The following MASTL variants were observed in gnomAD, a reference collection of about 807,000 sequenced individuals.
MASTL encodes the protein serine/threonine-protein kinase greatwall.
Under a neutral mutation model 82.5 loss-of-function variants are expected in MASTL, and 54 were observed. The observed-to-expected ratio is 0.65, with a 90% CI of 0.53 to 0.82. MASTL has a LOEUF of 0.82. MASTL is among the 40% of genes least tolerant of loss of function. The pLI is 0.00. For missense variants in MASTL, 950 were observed against 1,047.8 expected (o/e 0.91, Z 1.29); for synonymous variants, 323 against 368.9 (o/e 0.88, Z 1.43).
At chr10:27,171,989 C>T (rs2057962047) in intron 8 of MASTL, among the ~76,000 whole-genome samples, 1 of 151,780 alleles carries the variant, frequency 6.6e-6, no homozygotes, top group Non-Finnish European at 1.5e-5. Flanking sequence ...CCACCATGCC[C>T]AGCTAATTTT....
In MASTL at chr10:27,159,617, A is replaced by T; in HGVS notation, c.325-2A>T. On this transcript the variant is annotated splice_acceptor_variant, in intron 2 of 11. Coordinates refer to ENST00000375940, the MANE Select transcript of MASTL (RefSeq NM_001172303.3). LOFTEE classifies it high-confidence loss of function. This position sits in a 1 kb window ranked among gnomAD's most constrained non-coding sequence, Gnocchi z 4.0. ...TCACAATATTAAATTCTTTTTTGAA[A>T]GGTAATGGAATATCTTATTGGGGGA... 1 of 1,506,150 alleles carries T rather than the reference A, an allele frequency of 6.6e-7. No homozygotes were observed. The highest frequency in any genetic ancestry group is 9.2e-7 in the Non-Finnish European group (1 of 1,083,912). 93.3% of individuals were successfully genotyped at this position (1,506,150 alleles called of 1,614,324 possible). A position where few individuals can be genotyped will look rare whatever the true frequency, so the allele number is the denominator to read the frequency against.
At chr10:27,172,635 CAA>C (rs1455084411) in intron 8 of MASTL, among the ~76,000 whole-genome samples, 2 of 151,622 alleles carry the variant, frequency 1.3e-5, no homozygotes, top group Admixed American at 6.6e-5. Context: ...GCCTGGGCAA[CAA>C]GAGCGAAACT....
At chr10:27,167,585 C>T (rs2057781301) in intron 7 of MASTL, among the ~76,000 whole-genome samples, 1 of 152,202 alleles carries the variant, frequency 6.6e-6, no homozygotes, top group African/African-American at 2.4e-5. Context: ...TCCCATGATA[C>T]AGACATTGGC....
At chr10:27,175,567 C>A (rs905330598) in intron 9 of MASTL, among the ~76,000 whole-genome samples, 4 of 152,126 alleles carry the variant, frequency 2.6e-5, no homozygotes, top group Admixed American at 2.6e-4. Flanking sequence ...TCTGTTGCTG[C>A]TCTTCAGTTC....
At position 27,165,505 on chromosome 10, in the gene MASTL, C is replaced by A; in HGVS notation, c.777C>A (p.Asp259Glu). ...GCCCTATGTCTGTAGATCAAAAGGACACTACGCCTTATTCTAGCAAATTAC... is the reference window on the plus strand; with the variant it reads ...GCCCTATGTCTGTAGATCAAAAGGAAACTACGCCTTATTCTAGCAAATTAC... ...LVCPMSVDQK[D>E]TTPYSSKLLK... The change falls in exon 6 of 12, where the codon GAC becomes GAA. Residue 259 changes from aspartate (D) to glutamate (E), a missense_variant. Asp to Glu is a conservative substitution (Grantham distance 45). Transcript: ENST00000375940. 6.2e-7 allele frequency: 1 copy of A among 1,614,110 alleles called. No individual in the cohort carries two copies. The highest frequency in any genetic ancestry group is 1.1e-5 in the South Asian group (1 of 91,084).
At chr10:27,178,518 G>T (rs2058174301) in intron 9 of MASTL, among the ~76,000 whole-genome samples, 1 of 151,872 alleles carries the variant, frequency 6.6e-6, no homozygotes, top group Non-Finnish European at 1.5e-5. Context: ...CTAAAGAAAT[G>T]AGTTTTGAAT....
At chr10:27,178,600 T>C (rs1425141738) in intron 9 of MASTL, among the ~76,000 whole-genome samples, 1 of 152,048 alleles carries the variant, frequency 6.6e-6, no homozygotes, top group African/African-American at 2.4e-5. Context: ...AAAGTTTTAT[T>C]CCATTATGTG....
At position 27,170,422 on chromosome 10, in the gene MASTL, T is replaced by C. The variant is rs2057891474; in HGVS notation, c.1463T>C (p.Val488Ala). 1.2e-6 allele frequency: 2 copies of C among 1,613,972 alleles called. No individual in the cohort carries two copies. The highest frequency in any genetic ancestry group is 2.7e-5 in the African/African-American group (2 of 74,928). Reference protein sequence around the residue: ...TNQNTGLTVEVQDLKLSVHKS... With the variant: ...TNQNTGLTVEAQDLKLSVHKS... Reference sequence around the variant, plus strand: ...CAAAATACAGGCTTAACAGTTGAAGTGCAGGACCTTAAGCTATCAGTGCAC... The same window carrying C: ...CAAAATACAGGCTTAACAGTTGAAGCGCAGGACCTTAAGCTATCAGTGCAC... The change falls in exon 8 of 12, where the codon GTG becomes GCG. Residue 488 changes from valine to alanine, a missense_variant. Transcript: ENST00000375940.
rs1564487406 is a variant in MASTL, at chr10:27,165,045, CT to C, written c.554-15del. 1 of 1,421,568 alleles carries C rather than the reference CT, an allele frequency of 7.0e-7. No individual in the cohort carries two copies. Among genetic ancestry groups the C allele is most frequent in the Non-Finnish European group, 1.0e-6 (1 of 1,004,872 alleles). 88.1% of individuals were successfully genotyped at this position (1,421,568 alleles called of 1,614,324 possible). On this transcript the variant is annotated intron_variant, in intron 4 of 11. Transcript: ENST00000375940. Reference sequence around the variant, plus strand: ...TAAAGGTTTTAAATACATTTATATACTTTTCTTTGCATACATAGATATTAAT... The same window carrying C: ...TAAAGGTTTTAAATACATTTATATACTTTCTTTGCATACATAGATATTAAT...
At chr10:27,184,217 A>C (rs548645892) in intron 11 of MASTL, among the ~76,000 whole-genome samples, 3 of 152,206 alleles carry the variant, frequency 2.0e-5, no homozygotes, top group Admixed American at 6.5e-5. Flanking sequence ...AGGAAGAAAA[A>C]TAAAGCAGGG....
chr10:27,160,159 C>CTTT (rs58196933), intron 3 of MASTL, among the ~76,000 whole-genome samples: 13 of 40,604 alleles, frequency 3.2e-4, no homozygotes, highest in African/African-American at 8.3e-4. Context: ...TTACTCTTGG[C>CTTT]TTTTTTTTTT....
intron 4 of MASTL, among the ~76,000 whole-genome samples, chr10:27,161,840 AATAACT>A (rs1445067101): frequency 6.6e-6 from 1 of 152,202 alleles, no homozygotes; most frequent in Non-Finnish European, 1.5e-5. Context: ...AAATGACCAG[AATAACT>A]ATAACATGAT....
At position 27,161,101 on chromosome 10, in the gene MASTL, A is replaced by G. The variant is rs1328548584; in HGVS notation, c.472A>G (p.Lys158Glu). Residue 158 changes from lysine (K) to glutamate (E), a missense_variant, in exon 4 of 12, where the codon AAA (lysine) becomes GAA (glutamate). By Grantham distance (56) the Lys-to-Glu change is moderately conservative. Transcript: ENST00000375940. ...HRHGIIHRDL[K>E]PDNMLISNEG... Reference sequence around the variant, plus strand: ...TGCCTTTTGTGTGTGCAGGGACTTGAAACCGGACAATATGCTTATTTCTAA... The same window carrying G: ...TGCCTTTTGTGTGTGCAGGGACTTGGAACCGGACAATATGCTTATTTCTAA... 6.2e-7 allele frequency: 1 copy of G among 1,611,508 alleles called. No homozygotes were observed. Among genetic ancestry groups the G allele is most frequent in the Non-Finnish European group, 8.5e-7 (1 of 1,177,644 alleles).
chr10:27,178,472 TA>T (rs1473561053), intron 9 of MASTL, among the ~76,000 whole-genome samples: 1 of 150,360 alleles, frequency 6.7e-6, no homozygotes, highest in African/African-American at 2.4e-5. Context: ...CATTAGAAAA[TA>T]AAAAAGTGTA....
chr10:27,165,117 G>T lies in MASTL; in HGVS notation c.607G>T (p.Asp203Tyr). ...ACCATCAATGGCAAAACCTAGACAA[G>T]ATTATTCAAGAACCCCAGGACAAGT... ...TTPSMAKPRQ[D>Y]YSRTPGQVLS... Residue 203 changes from aspartate to tyrosine, a missense_variant, in exon 5 of 12, where the codon GAT becomes TAT. By Grantham distance (160) the Asp-to-Tyr change is radical. Transcript: ENST00000375940. The T allele has an allele frequency of 1.2e-6, 2 of 1,613,594 alleles. No individual in the cohort carries two copies. Among genetic ancestry groups the T allele is most frequent in the Non-Finnish European group, 1.7e-6 (2 of 1,179,588 alleles).
chr10:27,186,839 A>G lies in MASTL; in HGVS notation c.*303A>G. ...TAGAGGACACTATTGAGAGTGAGCC[A>G]CTAGCTTGATTTTCTTTCTCCTCTG... On this transcript the variant is annotated 3_prime_UTR_variant, in exon 12 of 12. Coordinates refer to ENST00000375940, the MANE Select transcript of MASTL (RefSeq NM_001172303.3). 2.8e-6 allele frequency: 1 copy of G among 351,952 alleles called. No individual in the cohort carries two copies. Among genetic ancestry groups the G allele is most frequent in the Non-Finnish European group, 5.3e-6 (1 of 188,722 alleles). 21.8% of individuals were successfully genotyped at this position (351,952 alleles called of 1,614,324 possible). A position where few individuals can be genotyped will look rare whatever the true frequency, so the allele number is the denominator to read the frequency against.
intron 1 of MASTL, among the ~76,000 whole-genome samples, chr10:27,157,954 G>C (rs944648980): frequency 2.6e-5 from 4 of 151,980 alleles, no homozygotes; most frequent in Non-Finnish European, 5.9e-5. Flanking sequence ...TTTTGACTTC[G>C]TTATCAGAAC....
intron 11 of MASTL, among the ~76,000 whole-genome samples, chr10:27,182,778 C>T (rs2058396827): frequency 1.0e-5 from 1 of 96,942 alleles, no homozygotes; most frequent in African/African-American, 3.6e-5. Context: ...CTAAAACAAT[C>T]TTACCTCTTT....
At chr10:27,165,597 C>T (rs2057715855) in intron 6 of MASTL, 58 bp downstream of exon 6, 1 of 1,546,904 alleles carries the variant, frequency 6.5e-7, no homozygotes, top group South Asian at 1.1e-5. Context: ...AATACTACCA[C>T]ATTGGGAGGC....
Sources: gnomAD v4.1 joint callset for allele counts (sites outside exome capture counted in the v4.1 genomes callset) on GRCh38, gnomAD v4.1.1 for gene constraint, Gnocchi (gnomAD v3.1) non-coding constraint, MANE v1.5 for transcripts, NCBI Gene and HGNC (gene_info 2026-07-23, HGNC 2026-07-21) for gene names.